PATJ: variants seen among roughly 807,000 people sequenced by gnomAD.
PATJ encodes the protein inaD-like protein.
Under a neutral mutation model 224.9 loss-of-function variants are expected in PATJ, and 190 were observed. That is an observed-to-expected ratio of 0.84 (90% confidence interval 0.75 to 0.95). PATJ has a LOEUF of 0.95. Ranked by LOEUF, PATJ falls within the 40% of genes least tolerant of loss-of-function variation. The pLI, the probability that PATJ is intolerant of heterozygous loss-of-function variation, is 0.00. For synonymous variants in PATJ, 769 were observed against 820.3 expected (o/e 0.94, Z 1.07); for missense variants, 2,121 against 2,270.3 (o/e 0.93, Z 1.34).
rs546610971 is a variant in PATJ at position 62,144,766 on chromosome 1, CAAA to C, written c.5272-3508_5272-3506del. Among the ~76,000 whole-genome samples, 91 of 116,392 alleles carry C rather than the reference CAAA, an allele frequency of 7.8e-4. 2 individuals are homozygous for C. The highest frequency in any genetic ancestry group is 1.5e-3 in the East Asian group (3 of 1,978). The allele number at this position is 116,392 out of a possible 152,430, so 76.4% of individuals were successfully genotyped here. A position where few individuals can be genotyped will look rare whatever the true frequency, so the allele number is the denominator to read the frequency against. ...TCTAAATGCTCTAGAATGTTATTTG[CAAA>C]AAAAAAAAATATATATATATATATA... On this transcript the variant is annotated intron_variant, in intron 41 of 43. Coordinates refer to ENST00000642238, the MANE Select transcript of PATJ (RefSeq NM_001350145.3).
chr1:62,104,725 A>C lies in PATJ; in HGVS notation c.4378-3712A>C, dbSNP rs555689186. On this transcript the variant is annotated intron_variant, in intron 33 of 43. Coordinates refer to ENST00000642238, the MANE Select transcript of PATJ (RefSeq NM_001350145.3). ...TCTCATTCTGTCTTGCCCAGGCTGG[A>C]GTGTGGTGTGATCTCAGCTCACTGC... Among the ~76,000 whole-genome samples the C allele has an allele frequency of 1.2e-4, 18 of 151,732 alleles. No homozygotes were observed. The South Asian group carries it at 3.3e-3, about 28-fold the overall frequency.
intron 43 of PATJ, among the ~76,000 whole-genome samples, chr1:62,156,054 TAAAAAAAAAAAAA>T (rs34300724): frequency 4.6e-5 from 2 of 43,056 alleles, no homozygotes; most frequent in Non-Finnish European, 7.8e-5. Context: ...CAAGACTCTG[TAAAAAAAAAAAAA>T]AAAAAAAAAA....
At chr1:61,797,188 T>C in intron 10 of PATJ, 99 bp from the exon 11 acceptor site, 1 of 1,344,234 alleles carries the variant, frequency 7.4e-7, no homozygotes, top group South Asian at 1.4e-5. Context: ...TAATTTATTT[T>C]TGGAATGAAA....
intron 26 of PATJ, among the ~76,000 whole-genome samples, chr1:61,923,978 A>T (rs1356032049): frequency 6.6e-6 from 1 of 151,684 alleles, no homozygotes; most frequent in African/African-American, 2.4e-5. Context: ...TAATGAGCAG[A>T]TCTTGAATGA....
intron 27 of PATJ, among the ~76,000 whole-genome samples, chr1:61,929,859 AAAAAG>A (rs1229776600): frequency 3.9e-5 from 6 of 152,282 alleles, no homozygotes; most frequent in Admixed American, 3.3e-4. Flanking sequence ...CTCTCTTAAA[AAAAAG>A]AAAAGAAATA....
intron 33 of PATJ, among the ~76,000 whole-genome samples, chr1:62,096,002 C>G (rs562128543): frequency 6.6e-6 from 1 of 152,280 alleles, no homozygotes; most frequent in Non-Finnish European, 1.5e-5. Context: ...TGAAGCACAT[C>G]CTCGTCTTCT....
At chr1:62,118,623 CTTATTTAT>C (rs59262237) in intron 37 of PATJ, among the ~76,000 whole-genome samples, 1 of 151,476 alleles carries the variant, frequency 6.6e-6, no homozygotes, top group Non-Finnish European at 1.5e-5. Flanking sequence ...TGAGCATCTT[CTTATTTAT>C]TTATTTATTT....
At chr1:61,950,937 A>G (rs1005842805) in intron 27 of PATJ, among the ~76,000 whole-genome samples, 1 of 152,176 alleles carries the variant, frequency 6.6e-6, no homozygotes, top group Non-Finnish European at 1.5e-5. Context: ...ACCTGAGCTC[A>G]AGAGTTCAAG....
intron 31 of PATJ, among the ~76,000 whole-genome samples, chr1:62,063,405 T>G (rs1269170138): frequency 6.6e-6 from 1 of 152,210 alleles, no homozygotes; most frequent in African/African-American, 2.4e-5. Context: ...TTAGTTATTA[T>G]AGCTATATAG....
chr1:61,743,935 C>T (rs977337059), intron 1 of PATJ, among the ~76,000 whole-genome samples: 2 of 152,008 alleles, frequency 1.3e-5, no homozygotes, highest in African/African-American at 2.4e-5. Context: ...AGATAAGCTG[C>T]GTGAAAACAG....
At position 62,162,369 on chromosome 1, in the gene PATJ, A is replaced by G. The variant is rs1570894403; in HGVS notation, c.*1315A>G. 1 of 152,194 alleles carries G rather than the reference A, an allele frequency of 6.6e-6. No homozygotes were observed. Among genetic ancestry groups the G allele is most frequent in the South Asian group, 2.1e-4 (1 of 4,824 alleles). 9.4% of individuals were successfully genotyped at this position (152,194 alleles called of 1,614,324 possible). On this transcript the variant is annotated 3_prime_UTR_variant, in exon 44 of 44. Transcript: ENST00000642238. ...TTTGATTATATTTCCCTTTACCTCC[A>G]TAGTAGTCAGGCCAGCAGCATGGAC...
intron 17 of PATJ, among the ~76,000 whole-genome samples, chr1:61,842,782 G>A (rs199617632): frequency 1.1e-4 from 3 of 26,684 alleles, no homozygotes; most frequent in African/African-American, 3.1e-4. Context: ...AAAGGAATAG[G>A]AACAGTTAAT....
At chr1:61,757,826 CT>C (rs943656368) in intron 1 of PATJ, among the ~76,000 whole-genome samples, 4 of 151,862 alleles carry the variant, frequency 2.6e-5, no homozygotes. Flanking sequence ...TTCTAAATCT[CT>C]TTTTTTTGAT....
At chr1:61,756,739 C>T (rs148246860) in intron 1 of PATJ, among the ~76,000 whole-genome samples, 9 of 151,540 alleles carry the variant, frequency 5.9e-5, no homozygotes, top group Non-Finnish European at 1.2e-4. Flanking sequence ...CCACCACGCC[C>T]GGATAATTTT....
chr1:61,828,404 T>TTG (rs1317854629), intron 16 of PATJ, among the ~76,000 whole-genome samples: 5 of 149,754 alleles, frequency 3.3e-5, no homozygotes, highest in Non-Finnish European at 7.4e-5. Context: ...GAAAAGAGTT[T>TTG]TTTTTTTTTT....
chr1:61,861,886 G>A (rs1489979522), intron 19 of PATJ, among the ~76,000 whole-genome samples: 2 of 151,798 alleles, frequency 1.3e-5, no homozygotes, highest in African/African-American at 4.8e-5. Context: ...TTTTGAGATG[G>A]GATCTCCCTC....
rs2482887 is a variant in PATJ, at chr1:61,962,744, A to G, written c.3671-27424A>G. 3.5e-3 allele frequency among the ~76,000 whole-genome samples: 534 copies of G among 152,304 alleles called. 3 individuals carry two copies. The highest frequency in any genetic ancestry group is 0.012 in the African/African-American group (502 of 41,564). ...ACAGAAGTTTATTTTTTTCACACAT[A>G]TGGACCTGGAAGTGGACATTGCACA... On this transcript the variant is annotated intron_variant, in intron 27 of 43. Transcript: ENST00000642238.
chr1:61,822,602 G>C (rs1425098231), intron 14 of PATJ, among the ~76,000 whole-genome samples: 1 of 152,092 alleles, frequency 6.6e-6, no homozygotes, highest in Non-Finnish European at 1.5e-5. Flanking sequence ...AGAAAAGTTA[G>C]GATGTTCTAG....
At chr1:61,990,843 G>C (rs975049974) in intron 28 of PATJ, among the ~76,000 whole-genome samples, 1 of 152,108 alleles carries the variant, frequency 6.6e-6, no homozygotes. Context: ...TATGGGTAAG[G>C]CTACATAGGT....
Sources: allele counts gnomAD v4.1 joint callset (sites outside exome capture counted in the v4.1 genomes callset), GRCh38; gene constraint gnomAD v4.1.1; transcripts MANE v1.5; gene names NCBI Gene and HGNC (gene_info 2026-07-23, HGNC 2026-07-21).